The following HIBADH variants were observed in gnomAD, a reference collection of about 807,000 sequenced individuals.
The protein encoded by HIBADH is 3-hydroxyisobutyrate dehydrogenase.
Under a neutral mutation model 36.1 loss-of-function variants are expected in HIBADH, and 25 were observed. That is an observed-to-expected ratio of 0.69 (90% confidence interval 0.50 to 0.97). HIBADH has a LOEUF of 0.97. HIBADH is among the 50% of genes least tolerant of loss of function. The pLI, the probability that HIBADH is intolerant of heterozygous loss-of-function variation, is 0.00. For synonymous variants in HIBADH, 160 were observed against 149.5 expected, an observed-to-expected ratio of 1.07 and a Z score of -0.51; for missense variants, 421 against 418.0, an observed-to-expected ratio of 1.01 and a Z score of -0.06.
chr7:27,629,270 G>A lies in HIBADH; in HGVS notation c.484+101C>T, dbSNP rs16874325. On this transcript the variant is annotated intron_variant, in intron 4 of 7. Coordinates refer to ENST00000265395, the MANE Select transcript of HIBADH (RefSeq NM_152740.4). ...ATTTTTAATGAGAATCCTGTAACAA[G>A]TCTAAAAATAACTACTACAAAACCA... is the stretch of plus-strand genomic sequence containing the variant. The A allele has an allele frequency of 0.012, 13,814 of 1,138,968 alleles. 835 individuals are homozygous for A. In the East Asian group the frequency reaches 0.18, roughly 15 times the overall value. The allele number at this position is 1,138,968 out of a possible 1,614,324, so 70.6% of individuals were successfully genotyped here.
chr7:27,661,336 C>A (rs774269284), intron 1 of HIBADH, among the ~76,000 whole-genome samples: 12 of 152,144 alleles, frequency 7.9e-5, no homozygotes, highest in African/African-American at 1.2e-4. Flanking sequence ...CACAGTGGTT[C>A]ATGCCTATAA....
At chr7:27,595,472 C>T (rs924366126) in intron 4 of HIBADH, among the ~76,000 whole-genome samples, 2 of 151,890 alleles carry the variant, frequency 1.3e-5, no homozygotes, top group African/African-American at 2.4e-5. Flanking sequence ...GAGCCTAGAC[C>T]GTGGCAGTGA....
At chr7:27,580,276 G>GTA (rs1784769447) in intron 4 of HIBADH, among the ~76,000 whole-genome samples, 1 of 152,170 alleles carries the variant, frequency 6.6e-6, no homozygotes, top group Admixed American at 6.5e-5. Flanking sequence ...CCAAGTAGCA[G>GTA]TAATGAGTAA....
intron 6 of HIBADH, among the ~76,000 whole-genome samples, chr7:27,531,891 A>C (rs1784008950): frequency 8.2e-6 from 1 of 122,464 alleles, no homozygotes; most frequent in East Asian, 2.7e-4. Context: ...GAGCTTAAGA[A>C]AAGTTATTAT....
chr7:27,615,401 GTTAAA>G lies in HIBADH; in HGVS notation c.484+13965_484+13969del, dbSNP rs142879845. 1.4e-4 allele frequency among the ~76,000 whole-genome samples: 22 copies of G among 152,276 alleles called. No homozygotes were observed. The East Asian group carries it at 2.5e-3, about 17-fold the overall frequency. ...TTTCCATCTATAAAATGTTAATAGA[GTTAAA>G]TTAAATTATTAGTAAGGTCCTTTCT... On this transcript the variant is annotated intron_variant, in intron 4 of 7. Coordinates refer to ENST00000265395, the MANE Select transcript of HIBADH (RefSeq NM_152740.4).
intron 2 of HIBADH, among the ~76,000 whole-genome samples, chr7:27,636,698 A>G (rs745479968): frequency 3.9e-5 from 6 of 152,266 alleles, no homozygotes; most frequent in Non-Finnish European, 7.3e-5. Flanking sequence ...CATACATCCC[A>G]GACTTTTGGC....
At chr7:27,607,783 T>C (rs1785255680) in intron 4 of HIBADH, among the ~76,000 whole-genome samples, 3 of 152,020 alleles carry the variant, frequency 2.0e-5, no homozygotes, top group African/African-American at 7.2e-5. Context: ...AAAGGGTTAA[T>C]AAAATATGCC....
chr7:27,661,584 TCAAAAAAAA>T (rs1786419006), intron 1 of HIBADH, among the ~76,000 whole-genome samples: 1 of 25,832 alleles, frequency 3.9e-5, no homozygotes, highest in African/African-American at 1.8e-4. Context: ...AGACCCTGTC[TCAAAAAAAA>T]AAAAAAAAAA....
intron 4 of HIBADH, among the ~76,000 whole-genome samples, chr7:27,593,373 T>C (rs1391991036): frequency 6.6e-6 from 1 of 152,178 alleles, no homozygotes; most frequent in Non-Finnish European, 1.5e-5. Flanking sequence ...TCCCCCAGAC[T>C]GTAAGTTCCA....
chr7:27,620,428 T>C (rs1401604041), intron 4 of HIBADH, among the ~76,000 whole-genome samples: 2 of 151,676 alleles, frequency 1.3e-5, no homozygotes, highest in Non-Finnish European at 2.9e-5. Flanking sequence ...AGAAACTTTA[T>C]AGACCAGAAG....
intron 2 of HIBADH, chr7:27,649,177 C>T (rs1037654187): frequency 1.3e-5 from 3 of 225,484 alleles, no homozygotes; most frequent in African/African-American, 6.8e-5. Context: ...TTTAACAGCA[C>T]AATCAGTAAA....
chr7:27,539,460 G>GGA (rs899866671), intron 5 of HIBADH, among the ~76,000 whole-genome samples: 18 of 151,630 alleles, frequency 1.2e-4, no homozygotes, highest in African/African-American at 4.3e-4. Flanking sequence ...ATTAAGAGGA[G>GGA]GAGAGAGAGT....
At chr7:27,636,794 A>C (rs1785848532) in intron 2 of HIBADH, among the ~76,000 whole-genome samples, 1 of 152,234 alleles carries the variant, frequency 6.6e-6, no homozygotes, top group South Asian at 2.1e-4. Context: ...GATTAAGTTA[A>C]AAAGAAAAAC....
rs143991635 is a variant in HIBADH, at chr7:27,597,426, C to T, written c.484+31945G>A. ...ATTATTGGGTACCAAAGTGTAGCTC[C>T]GAGCTTCCCATAGACTCAGTAAAAA... On this transcript the variant is annotated intron_variant, in intron 4 of 7. Coordinates refer to ENST00000265395, the MANE Select transcript of HIBADH (RefSeq NM_152740.4). Among the ~76,000 whole-genome samples the T allele has an allele frequency of 7.0e-3, 995 of 142,722 alleles. 10 individuals carry two copies. The highest frequency in any genetic ancestry group is 0.026 in the African/African-American group (954 of 37,402). 93.6% of individuals were successfully genotyped at this position (142,722 alleles called of 152,430 possible). A position where few individuals can be genotyped will look rare whatever the true frequency, so the allele number is the denominator to read the frequency against.
chr7:27,660,152 A>G (rs1786386891), intron 1 of HIBADH, among the ~76,000 whole-genome samples: 1 of 152,220 alleles, frequency 6.6e-6, no homozygotes, highest in Non-Finnish European at 1.5e-5. Context: ...TCCTTATAAT[A>G]TTATCATTCA....
chr7:27,636,650 G>C (rs555123103), intron 2 of HIBADH, among the ~76,000 whole-genome samples: 1 of 152,308 alleles, frequency 6.6e-6, no homozygotes, highest in Non-Finnish European at 1.5e-5. Flanking sequence ...ATCTAATTAA[G>C]CCTAGTTCAA....
At chr7:27,544,950 T>G (rs1784214388) in intron 4 of HIBADH, among the ~76,000 whole-genome samples, 2 of 152,172 alleles carry the variant, frequency 1.3e-5, no homozygotes, top group Non-Finnish European at 2.9e-5. Flanking sequence ...AATTCAGAGG[T>G]CTGTGGTAGT....
At chr7:27,529,192 A>C (rs1783956535) in intron 7 of HIBADH, among the ~76,000 whole-genome samples, 1 of 152,196 alleles carries the variant, frequency 6.6e-6, no homozygotes, top group South Asian at 2.1e-4. Context: ...GGAGATGTAC[A>C]GGGAGATTAA....
At chr7:27,662,400 G>A (rs1786441338) in intron 1 of HIBADH, among the ~76,000 whole-genome samples, 1 of 152,062 alleles carries the variant, frequency 6.6e-6, no homozygotes, top group Non-Finnish European at 1.5e-5. Context: ...GCATGCCGGG[G>A]TCCCAAATAC....
Sources: gnomAD v4.1 joint callset for allele counts (sites outside exome capture counted in the v4.1 genomes callset) on GRCh38, gnomAD v4.1.1 for gene constraint, MANE v1.5 for transcripts, NCBI Gene and HGNC (gene_info 2026-07-23, HGNC 2026-07-21) for gene names.